The following SHTN1 variants were observed in gnomAD, a reference collection of about 807,000 sequenced individuals.
SHTN1 encodes shootin-1.
Under a neutral mutation model 83.1 loss-of-function variants are expected in SHTN1, and 42 were observed. That is an observed-to-expected ratio of 0.51 (90% CI 0.39 to 0.65). The LOEUF is 0.65. Ranked by LOEUF, SHTN1 falls within the 30% of genes least tolerant of loss-of-function variation. The pLI is 0.00. For missense variants in SHTN1, 622 were observed against 737.8 expected (o/e 0.84, Z 1.82); for synonymous variants, 224 against 247.7 (o/e 0.90, Z 0.90).
chr10:117,039,183 A>G (rs1852546195), intron 2 of SHTN1, among the ~76,000 whole-genome samples: 1 of 152,248 alleles, frequency 6.6e-6, no homozygotes, highest in South Asian at 2.1e-4. Flanking sequence ...GCATCAACCC[A>G]TGAAAAGACA....
chr10:117,117,898 A>C (rs1338353276), intron 1 of SHTN1, among the ~76,000 whole-genome samples: 5 of 152,198 alleles, frequency 3.3e-5, no homozygotes, highest in Non-Finnish European at 7.4e-5. Context: ...AAATCAAAAT[A>C]GATTAAAGAC....
At chr10:117,042,199 C>G (rs10886030) in intron 2 of SHTN1, among the ~76,000 whole-genome samples, 134,925 of 152,264 alleles carry the variant, frequency 0.89, 61,109 homozygotes, top group Non-Finnish European at 0.98. Context: ...CAAAACCAAA[C>G]AGCCCTTTGT....
In SHTN1 at chr10:116,992,163, G is replaced by A. The variant is rs28494102; in HGVS notation, c.59-12855C>T. Among the ~76,000 whole-genome samples the A allele has an allele frequency of 5.2e-4, 79 of 151,908 alleles. 1 individual carries two copies. In the South Asian group the frequency reaches 0.014, roughly 27 times the overall value. ...TCTCAAAAAACAAACAAAACAAAAC[G>A]AAACAAAACAAAAAAACAAATTCCA... On this transcript the variant is annotated intron_variant, in intron 1 of 16. Transcript: ENST00000355371.
intron 1 of SHTN1, among the ~76,000 whole-genome samples, chr10:117,059,716 G>C (rs1852872376): frequency 6.6e-6 from 1 of 152,186 alleles, no homozygotes; most frequent in South Asian, 2.1e-4. Flanking sequence ...GGGTTTGGTG[G>C]TAGGGGCAGA....
chr10:116,908,091 A>T (rs1351740685), intron 14 of SHTN1, among the ~76,000 whole-genome samples: 2 of 152,108 alleles, frequency 1.3e-5, no homozygotes, highest in African/African-American at 4.8e-5. Flanking sequence ...TGTTTAGGGA[A>T]TTTTTTCCCT....
At chr10:116,908,306 AG>A (rs1848052546) in intron 14 of SHTN1, among the ~76,000 whole-genome samples, 1 of 152,224 alleles carries the variant, frequency 6.6e-6, no homozygotes, top group Non-Finnish European at 1.5e-5. Context: ...ATACATTAAA[AG>A]GACTATCACA....
chr10:117,003,742 G>A (rs953735551), intron 1 of SHTN1, among the ~76,000 whole-genome samples: 5 of 152,104 alleles, frequency 3.3e-5, no homozygotes, highest in Non-Finnish European at 5.9e-5. Context: ...AGAAGTGAAA[G>A]AGCTGCAACT....
In SHTN1 at chr10:117,024,876, G is replaced by A. The variant is rs555099317; in HGVS notation, c.-123+23569C>T. ...AAAATGTTAATTGTAGAATCCAATA[G>A]GAATATAGATGGTTATTCACTGTAC... On this transcript the variant is annotated intron_variant, in intron 2 of 17. Coordinates refer to the SHTN1 transcript ENST00000392901. Among the ~76,000 whole-genome samples the A allele has an allele frequency of 6.4e-4, 98 of 152,220 alleles. 1 individual carries two copies. In the South Asian group the frequency reaches 0.018, roughly 29 times the overall value.
chr10:117,030,403 T>C (rs985536279), intron 2 of SHTN1, among the ~76,000 whole-genome samples: 6 of 152,050 alleles, frequency 3.9e-5, no homozygotes, highest in African/African-American at 1.4e-4. Context: ...CAAGCCCAGA[T>C]TGAGAAGACT....
intron 1 of SHTN1, among the ~76,000 whole-genome samples, chr10:117,107,728 C>T (rs1853692711): frequency 6.6e-6 from 1 of 152,144 alleles, no homozygotes; most frequent in Admixed American, 6.5e-5. Flanking sequence ...AAACAACAAA[C>T]AGGAAAAGTC....
At chr10:116,992,884 C>T (rs1788824382) in intron 1 of SHTN1, among the ~76,000 whole-genome samples, 1 of 152,122 alleles carries the variant, frequency 6.6e-6, no homozygotes, top group African/African-American at 2.4e-5. Context: ...TTGGATCCAA[C>T]TGTCATTTAT....
At chr10:117,125,139 A>G (rs985929107) in intron 1 of SHTN1, among the ~76,000 whole-genome samples, 1 of 152,082 alleles carries the variant, frequency 6.6e-6, no homozygotes, top group African/African-American at 2.4e-5. Flanking sequence ...AGACATCACT[A>G]ATGATCAGCA....
intron 1 of SHTN1, among the ~76,000 whole-genome samples, chr10:117,053,032 A>AAAAAAAAAAAAAAAAAAAAAAAAC (rs1852772600): frequency 6.8e-6 from 1 of 146,000 alleles, no homozygotes; most frequent in Admixed American, 6.9e-5. Context: ...AAAAAAAAAG[A>AAAAAAAAAAAAAAAAAAAAAAAAC]ATTAAGAATT....
At chr10:117,091,096 C>T (rs1853424787) in intron 1 of SHTN1, among the ~76,000 whole-genome samples, 1 of 152,172 alleles carries the variant, frequency 6.6e-6, no homozygotes, top group African/African-American at 2.4e-5. Context: ...TTCTCTTGAC[C>T]TCTGTTCCAA....
chr10:116,972,572 G>T (rs547335079), intron 2 of SHTN1, among the ~76,000 whole-genome samples: 86 of 152,320 alleles, frequency 5.6e-4, no homozygotes, highest in African/African-American at 2.0e-3. Flanking sequence ...CTTTTTGGAA[G>T]AATGTTTCAT....
intron 8 of SHTN1, 126 bp from the exon 9 acceptor site, chr10:116,940,738 TAA>T: frequency 4.4e-6 from 3 of 685,982 alleles, no homozygotes; most frequent in Non-Finnish European, 6.8e-6. Flanking sequence ...CTGACTTCTA[TAA>T]GTTTTAGAAG....
chr10:116,973,858 G>A (rs1344780305), intron 2 of SHTN1: 1 of 1,284,390 alleles, frequency 7.8e-7, no homozygotes, highest in Non-Finnish European at 1.0e-6. Context: ...CTGTTTACCT[G>A]TTTAAGAATC....
Position 116,900,383 on chromosome 10 carries a change from A to G in SHTN1, c.1673+1382T>C, listed in dbSNP as rs1200469386. ...ATCTAACAACTGTGTCTGTCAACAC[A>G]TGGATCCTTTTCACTGTCAATTCAA... On this transcript the variant is annotated intron_variant, in intron 16 of 16. Coordinates refer to ENST00000355371, the MANE Select transcript of SHTN1 (RefSeq NM_001127211.3). The G allele has an allele frequency of 5.8e-5, 39 of 671,250 alleles. No homozygotes were observed. The East Asian group carries it at 1.1e-3, about 18-fold the overall frequency. The allele number at this position is 671,250 out of a possible 1,614,324, so 41.6% of individuals were successfully genotyped here.
chr10:116,903,274 T>C (rs959253356), intron 15 of SHTN1, among the ~76,000 whole-genome samples: 13 of 152,190 alleles, frequency 8.5e-5, no homozygotes, highest in Admixed American at 8.5e-4. Flanking sequence ...GGCTCATGCC[T>C]GTAATCCCAG....
Sources: gnomAD v4.1 joint callset for allele counts (sites outside exome capture counted in the v4.1 genomes callset) on GRCh38, gnomAD v4.1.1 for gene constraint, MANE v1.5 for transcripts, NCBI Gene and HGNC (gene_info 2026-07-23, HGNC 2026-07-21) for gene names.